POU2F1: variants seen among roughly 807,000 people sequenced by gnomAD.
POU2F1 encodes the protein POU class 2 homeobox 1.
POU2F1 carries 16 observed loss-of-function variants against 84.9 expected under a neutral mutation model. That is an observed-to-expected ratio of 0.19 (90% CI 0.13 to 0.29). POU2F1 has a LOEUF of 0.29. Among genes scored for constraint, POU2F1 ranks in the 10% least tolerant of loss-of-function variants. POU2F1 has a pLI of 1.00. For missense variants in POU2F1, 738 were observed against 942.6 expected, an observed-to-expected ratio of 0.78 and a Z score of 2.84; for synonymous variants, 368 against 368.3, an observed-to-expected ratio of 1.00 and a Z score of 0.01.
Position 167,412,122 on chromosome 1 carries a change from C to T in POU2F1, c.1719C>T (p.Ser573=), listed in dbSNP as rs1353007050. 2 of 1,614,196 alleles carry T rather than the reference C, an allele frequency of 1.2e-6. No homozygotes were observed. Among genetic ancestry groups the T allele is most frequent in the Non-Finnish European group, 1.7e-6 (2 of 1,180,036 alleles). ...ASETSTTQTT[S]TPLSSPLGTS... is the part of the protein sequence containing the mutation. ...AGACCAGCACAACACAGACCACCTC[C>T]ACTCCTTTGTCCTCCCCTCTTGGGA... Residue 573 remains serine (S), a synonymous_variant, in exon 14 of 16, where the codon TCC becomes TCT. Transcript: ENST00000367866.
chr1:167,315,756 A>G (rs1655845717), intron 1 of POU2F1, among the ~76,000 whole-genome samples: 1 of 151,680 alleles, frequency 6.6e-6, no homozygotes, highest in African/African-American at 2.4e-5. Flanking sequence ...GTGAGCTATG[A>G]TTATACTACA....
At chr1:167,266,755 C>G (rs1651990879) in intron 1 of POU2F1, among the ~76,000 whole-genome samples, 1 of 151,618 alleles carries the variant, frequency 6.6e-6, no homozygotes, top group African/African-American at 2.4e-5. Flanking sequence ...TCCCAAGTAG[C>G]TGGGATTACA....
chr1:167,266,469 T>A (rs899398495), intron 1 of POU2F1, among the ~76,000 whole-genome samples: 4 of 152,156 alleles, frequency 2.6e-5, no homozygotes, highest in African/African-American at 9.7e-5. Flanking sequence ...TAATCTCAAT[T>A]TGAAGAGGTA....
At chr1:167,333,278 T>G (rs1159522843) in intron 2 of POU2F1, among the ~76,000 whole-genome samples, 1 of 152,192 alleles carries the variant, frequency 6.6e-6, no homozygotes, top group Non-Finnish European at 1.5e-5. Context: ...TTAGAGGATG[T>G]AAGACTATGT....
intron 2 of POU2F1, among the ~76,000 whole-genome samples, chr1:167,358,025 ATC>A (rs1659083419): frequency 6.7e-6 from 1 of 149,912 alleles, no homozygotes; most frequent in Non-Finnish European, 1.5e-5. Context: ...GATGGTCTCG[ATC>A]TCTTGACCTC....
Position 167,290,402 on chromosome 1 carries a change from A to C in POU2F1, c.62-42068A>C, listed in dbSNP as rs115623007. ...ACAGAGCAAGGCCCTGTCTCAAAAA[A>C]AAGTGTAGCACGAAAACCACATGTT... On this transcript the variant is annotated intron_variant, in intron 1 of 15. Transcript: ENST00000367866. 4.2e-3 allele frequency among the ~76,000 whole-genome samples: 644 copies of C among 152,358 alleles called. 3 individuals carry two copies. Among genetic ancestry groups the C allele is most frequent in the African/African-American group, 0.012 (479 of 41,576 alleles).
chr1:167,243,336 T>G (rs901532701), intron 1 of POU2F1, among the ~76,000 whole-genome samples: 7 of 152,238 alleles, frequency 4.6e-5, no homozygotes, highest in Admixed American at 1.3e-4. Flanking sequence ...TAGGATTAAG[T>G]GAGATAATGT....
intron 1 of POU2F1, among the ~76,000 whole-genome samples, chr1:167,330,236 G>T (rs926847471): frequency 3.9e-5 from 6 of 151,978 alleles, no homozygotes; most frequent in Admixed American, 3.9e-4. Flanking sequence ...TTCCTATATT[G>T]TCATTTTCTG....
intron 1 of POU2F1, among the ~76,000 whole-genome samples, chr1:167,331,261 G>A (rs71630400): frequency 0.012 from 1,840 of 152,116 alleles, 14 homozygotes; most frequent in South Asian, 0.026. Flanking sequence ...CTTCTTGTTG[G>A]AAATGAAACT....
chr1:167,394,746 C>G (rs987270928), intron 9 of POU2F1, among the ~76,000 whole-genome samples: 10 of 152,152 alleles, frequency 6.6e-5, no homozygotes, highest in African/African-American at 2.4e-4. Flanking sequence ...TTCTGGGTGC[C>G]TCATTTTGTC....
At chr1:167,314,213 A>AG (rs148578519) in intron 1 of POU2F1, among the ~76,000 whole-genome samples, 15,311 of 150,662 alleles carry the variant, frequency 0.1, 2,030 homozygotes, top group African/African-American at 0.31. Flanking sequence ...AAAAAAAAAA[A>AG]CAAAACTTCA....
At chr1:167,393,204 T>C (rs529260099) in intron 9 of POU2F1, among the ~76,000 whole-genome samples, 1 of 152,302 alleles carries the variant, frequency 6.6e-6, no homozygotes, top group African/African-American at 2.4e-5. Context: ...AAACATTTAC[T>C]TTTGTGAGTG....
chr1:167,247,431 A>G (rs972135617), intron 1 of POU2F1, among the ~76,000 whole-genome samples: 4 of 152,174 alleles, frequency 2.6e-5, no homozygotes, highest in Non-Finnish European at 5.9e-5. Flanking sequence ...TTCTTCTAAA[A>G]TGGCATATAT....
Position 167,365,505 on chromosome 1 carries a change from G to A in POU2F1, c.166G>A (p.Val56Met). 1 of 1,603,072 alleles carries A rather than the reference G, an allele frequency of 6.2e-7. No individual in the cohort carries two copies. The highest frequency in any genetic ancestry group is 8.5e-7 in the Non-Finnish European group (1 of 1,175,290). Residue 56 changes from valine (V) to methionine (M), a missense_variant, in exon 3 of 16, where the codon GTG becomes ATG. Val to Met is a conservative substitution (Grantham distance 21, BLOSUM62 1). This residue lies in a region of POU2F1 where 161 missense variants were observed against 147.0 expected (regional missense o/e 1.10). Transcript: ENST00000367866. Reference protein sequence around the residue: ...TNGLDFQKQPVPVGGAISTAQ... With the variant: ...TNGLDFQKQPMPVGGAISTAQ... ...TGGTCTGGACTTTCAGAAGCAGCCTGTGCCTGTAGGAGGAGCAATCTCAAC... is the reference window on the plus strand; with the variant it reads ...TGGTCTGGACTTTCAGAAGCAGCCTATGCCTGTAGGAGGAGCAATCTCAAC...
chr1:167,422,727 A>G lies in POU2F1; in HGVS notation c.*6917A>G, dbSNP rs1451770415. On this transcript the variant is annotated 3_prime_UTR_variant, in exon 16 of 16. Transcript: ENST00000367866. ...TTAAATAAATGATCCCACAGAACTT[A>G]AGTGGGATTTGGTTTAGATACCAAA... is the stretch of plus-strand genomic sequence containing the variant. 1 of 152,230 alleles carries G rather than the reference A, an allele frequency of 6.6e-6. No individual in the cohort carries two copies. Among genetic ancestry groups the G allele is most frequent in the Non-Finnish European group, 1.5e-5 (1 of 68,042 alleles). The allele number at this position is 152,230 out of a possible 1,614,324, so 9.4% of individuals were successfully genotyped here. A position where few individuals can be genotyped will look rare whatever the true frequency, so the allele number is the denominator to read the frequency against.
chr1:167,226,096 C>A (rs1249400529), intron 1 of POU2F1, among the ~76,000 whole-genome samples: 1 of 152,112 alleles, frequency 6.6e-6, no homozygotes, highest in Non-Finnish European at 1.5e-5. Context: ...AAAACATGCC[C>A]CCTTTTGGTT....
chr1:167,319,465 TCC>T (rs1437754340), intron 1 of POU2F1, among the ~76,000 whole-genome samples: 1 of 151,956 alleles, frequency 6.6e-6, no homozygotes, highest in Non-Finnish European at 1.5e-5. Context: ...AGTTCCTGTT[TCC>T]CCCCTTTTGC....
chr1:167,330,858 T>C (rs1374966315), intron 1 of POU2F1, among the ~76,000 whole-genome samples: 7 of 152,124 alleles, frequency 4.6e-5, no homozygotes. Flanking sequence ...TTTTTATGAA[T>C]GTTAACTGAT....
intron 13 of POU2F1, among the ~76,000 whole-genome samples, chr1:167,407,775 A>G (rs1175143283): frequency 6.6e-6 from 1 of 152,226 alleles, no homozygotes; most frequent in Non-Finnish European, 1.5e-5. Flanking sequence ...AAAGGCCTAA[A>G]TATAAGAGCT....
Sources: gnomAD v4.1 joint callset for allele counts (sites outside exome capture counted in the v4.1 genomes callset) on GRCh38, gnomAD v4.1.1 for gene constraint, gnomAD v4.1.1 regional missense constraint, MANE v1.5 for transcripts, NCBI Gene and HGNC (gene_info 2026-07-23, HGNC 2026-07-21) for gene names.